The following DSP variants were observed in gnomAD, a reference collection of about 807,000 sequenced individuals.
DSP encodes 250/210 kDa paraneoplastic pemphigus antigen.
In DSP, 114 loss-of-function variants were observed where a neutral mutation model predicts 290.6. That is an observed-to-expected ratio of 0.39 (90% CI 0.34 to 0.46). DSP has a LOEUF of 0.46. Ranked by LOEUF, DSP falls within the 20% of genes least tolerant of loss-of-function variation. DSP has a pLI of 0.99. For synonymous variants in DSP, 1,311 were observed against 1,316.4 expected, an observed-to-expected ratio of 1.00 and a Z score of 0.09; for missense variants, 3,230 against 3,495.8, an observed-to-expected ratio of 0.92 and a Z score of 1.92.
intron 7 of DSP, 125 bp from the exon 8 acceptor site, chr6:7,566,252 G>A (rs1418129395): frequency 1.3e-5 from 10 of 786,056 alleles, no homozygotes; most frequent in Admixed American, 7.8e-5. Context: ...GGAAAACAGC[G>A]TGATTCTTTG....
intron 17 of DSP, 106 bp downstream of exon 17, chr6:7,574,901 G>T (rs1373471323): frequency 1.6e-5 from 23 of 1,481,698 alleles, no homozygotes; most frequent in Non-Finnish European, 2.0e-5. Flanking sequence ...GAGGATTATT[G>T]GGTTTCAGTG....
rs1014373689 is a variant in DSP, at chr6:7,571,908, C to T, written c.1970C>T (p.Thr657Ile). Reference protein sequence around the residue: ...QDVNHNKVIETNRENDKQETW... With the variant: ...QDVNHNKVIEINRENDKQETW... ...GTCAACCATAATAAAGTAATTGAAA[C>T]CAACAGAGAAAATGACAAGCAAGAA... Residue 657 changes from threonine (T) to isoleucine (I), a missense_variant, in exon 15 of 24, where the codon ACC (threonine) becomes ATC (isoleucine). Physicochemically the swap from Thr to Ile is moderately conservative, Grantham distance 89. This residue lies in a region of DSP where 1,714 missense variants were observed against 1,844.5 expected (regional missense o/e 0.93). Coordinates refer to ENST00000379802, the MANE Select transcript of DSP (RefSeq NM_004415.4). The T allele has an allele frequency of 4.3e-6, 7 of 1,614,044 alleles. No individual in the cohort carries two copies. In the Middle Eastern group the frequency reaches 9.9e-4, roughly 228 times the overall value.
chr6:7,573,396 G>A (rs536033732), intron 15 of DSP, among the ~76,000 whole-genome samples: 1 of 152,204 alleles, frequency 6.6e-6, no homozygotes, highest in African/African-American at 2.4e-5. Flanking sequence ...GACCAACATG[G>A]TGAAACCCCA....
At chr6:7,543,192 G>A (rs1337432609) in intron 1 of DSP, among the ~76,000 whole-genome samples, 4 of 152,022 alleles carry the variant, frequency 2.6e-5, no homozygotes, top group Admixed American at 6.6e-5. Flanking sequence ...TCCCACGTCG[G>A]GCTTTTGGGA....
Position 7,580,927 on chromosome 6 carries a change from G to A in DSP, c.4737G>A (p.Arg1579=). The A allele has an allele frequency of 6.2e-7, 1 of 1,614,154 alleles. No homozygotes were observed. Among genetic ancestry groups the A allele is most frequent in the Non-Finnish European group, 8.5e-7 (1 of 1,180,018 alleles). ...AGAAGGTGGAAGAGGAGCTGAATCG[G>A]CTGAAGAGGACCGCGTCAGAAGACT... ...QKQKVEEELN[R]LKRTASEDSC... The change falls in exon 23 of 24, where the codon CGG becomes CGA. Residue 1579 remains arginine (R), a synonymous_variant. Transcript: ENST00000379802. This position sits in a 1 kb window ranked among gnomAD's most constrained non-coding sequence, Gnocchi z 4.2.
chr6:7,576,027 AT>A (rs1351256660), intron 18 of DSP, among the ~76,000 whole-genome samples: 1 of 151,422 alleles, frequency 6.6e-6, no homozygotes, highest in African/African-American at 2.4e-5. Flanking sequence ...ATCATTTTCT[AT>A]TTTTTTCATG....
chr6:7,559,181 A>G (rs767716252), intron 3 of DSP, 45 bp from the exon 4 acceptor site: 3 of 1,611,620 alleles, frequency 1.9e-6, no homozygotes, highest in Non-Finnish European at 2.5e-6. Flanking sequence ...ACGGGTTTTC[A>G]TAGGCTGTTT....
At position 7,585,959 on chromosome 6, in the gene DSP, C is replaced by T. The variant is rs1199245165; in HGVS notation, c.*81C>T. On this transcript the variant is annotated 3_prime_UTR_variant, in exon 24 of 24. Transcript: ENST00000379802. The stretch of plus-strand genomic sequence containing the variant: ...TATTAAATAATAGAAAAGAAAATCC[C>T]GGTGCTTGCAGTAGAGTGATAGGAC... The T allele has an allele frequency of 1.5e-5, 21 of 1,419,034 alleles. No homozygotes were observed. The highest frequency in any genetic ancestry group is 2.0e-5 in the Non-Finnish European group (20 of 1,018,056). 87.9% of individuals were successfully genotyped at this position (1,419,034 alleles called of 1,614,324 possible).
intron 4 of DSP, 35 bp downstream of exon 4, chr6:7,559,435 G>A (rs775926016): frequency 1.2e-6 from 2 of 1,611,694 alleles, no homozygotes; most frequent in Non-Finnish European, 8.5e-7. Flanking sequence ...AACCTGTGCA[G>A]GCCAGACGTT....
At chr6:7,552,233 C>G (rs538133547) in intron 1 of DSP, among the ~76,000 whole-genome samples, 2 of 152,184 alleles carry the variant, frequency 1.3e-5, no homozygotes, top group South Asian at 4.1e-4. Context: ...AGATGCTGTG[C>G]AAAACATGTA....
chr6:7,584,485 C>T lies in DSP; in HGVS notation c.7223C>T (p.Pro2408Leu). 2 of 1,614,110 alleles carry T rather than the reference C, an allele frequency of 1.2e-6. No individual in the cohort carries two copies. Among genetic ancestry groups the T allele is most frequent in the Non-Finnish European group, 1.7e-6 (2 of 1,180,018 alleles). Reference protein sequence around the residue: ...NEELSEILSDPSDDTKGFFDP... With the variant: ...NEELSEILSDLSDDTKGFFDP... ...GAACTCAGTGAGATTCTCTCAGATC[C>T]AAGTGATGATACCAAAGGATTTTTT... The change falls in exon 24 of 24, where the codon CCA becomes CTA. Residue 2408 changes from proline to leucine, a missense_variant. Physicochemically the swap from Pro to Leu is moderately conservative, Grantham distance 98 (BLOSUM62 -3). This residue lies in a region of DSP where 207 missense variants were observed against 281.2 expected (regional missense o/e 0.74). Transcript: ENST00000379802. This position sits in a 1 kb window ranked among gnomAD's most constrained non-coding sequence, Gnocchi z 6.4.
rs1267018807 is a variant in DSP, at chr6:7,585,711, TACAACATG to T, written c.8450_8457del (p.Tyr2817PhefsTer32). 6.2e-7 allele frequency: 1 copy of T among 1,613,578 alleles called. No individual in the cohort carries two copies. Among genetic ancestry groups the T allele is most frequent in the East Asian group, 2.2e-5 (1 of 44,876 alleles). On this transcript the variant is annotated frameshift_variant, in exon 24 of 24. Transcript: ENST00000379802. LOFTEE classifies it high-confidence loss of function. ...GTCGTCCAAGGGCTTACCCAGCCCT[TACAACATG>T]TCTTCGGCTCCGGGGTCCCGCTCCG...
chr6:7,554,120 CACACA>C (rs1758427128), intron 1 of DSP, among the ~76,000 whole-genome samples: 3 of 151,496 alleles, frequency 2.0e-5, no homozygotes, highest in Non-Finnish European at 2.9e-5. Context: ...CACACACACA[CACACA>C]CCCAGTTGGT....
In DSP at chr6:7,541,976, G is replaced by A. The variant is rs747956457; in HGVS notation, c.61G>A (p.Glu21Lys). ...INTLGRMIRA[E>K]SGPDLRYEVT... Reference sequence around the variant, plus strand: ...CACTCTGGGCCGCATGATCCGCGCCGAGTCTGGCCCGGACCTGCGCTACGA... The same window carrying A: ...CACTCTGGGCCGCATGATCCGCGCCAAGTCTGGCCCGGACCTGCGCTACGA... The change falls in exon 1 of 24, where the codon GAG becomes AAG. Residue 21 changes from glutamate to lysine, a missense_variant. Coordinates refer to ENST00000379802, the MANE Select transcript of DSP (RefSeq NM_004415.4). 29 of 1,605,814 alleles carry A rather than the reference G, an allele frequency of 1.8e-5. No homozygotes were observed. Among genetic ancestry groups the A allele is most frequent in the Non-Finnish European group, 2.2e-5 (26 of 1,177,238 alleles).
Position 7,580,321 on chromosome 6 carries a change from CCACCAGCT to C in DSP, c.4137_4144del (p.Gln1379HisfsTer26). The stretch of plus-strand genomic sequence containing the variant: ...AGATCAACATCACCAAGACCACCAT[CCACCAGCT>C]CACCATGCAGAAGGAAGAGGATACC... On this transcript the variant is annotated frameshift_variant, in exon 23 of 24. Coordinates refer to ENST00000379802, the MANE Select transcript of DSP (RefSeq NM_004415.4). LOFTEE classifies it high-confidence loss of function. The surrounding 1 kb of genome is among the most constrained non-coding windows in gnomAD (Gnocchi z 4.2). 6.2e-7 allele frequency: 1 copy of C among 1,614,038 alleles called. No individual in the cohort carries two copies. Among genetic ancestry groups the C allele is most frequent in the Non-Finnish European group, 8.5e-7 (1 of 1,180,002 alleles).
chr6:7,568,610 A>G, intron 11 of DSP, 21 bp downstream of exon 11: 2 of 1,613,150 alleles, frequency 1.2e-6, no homozygotes, highest in South Asian at 2.2e-5. Context: ...ATTTAGAATG[A>G]TACAAAAGTT....
chr6:7,558,072 T>A (rs370517535), intron 2 of DSP, 44 bp from the exon 3 acceptor site: 1 of 1,613,326 alleles, frequency 6.2e-7, no homozygotes, highest in Non-Finnish European at 8.5e-7. Flanking sequence ...AAGGTTTTCT[T>A]CCTGGTAGTA....
At chr6:7,556,580 C>T (rs1004485573) in intron 2 of DSP, among the ~76,000 whole-genome samples, 1 of 152,220 alleles carries the variant, frequency 6.6e-6, no homozygotes, top group African/African-American at 2.4e-5. Context: ...TGGCATCTGC[C>T]TCTTCACAAA....
Position 7,577,012 on chromosome 6 carries a change from A to C in DSP, c.2847A>C (p.Lys949Asn). 1 of 1,612,874 alleles carries C rather than the reference A, an allele frequency of 6.2e-7. No homozygotes were observed. Among genetic ancestry groups the C allele is most frequent in the East Asian group, 2.2e-5 (1 of 44,830 alleles). Residue 949 changes from lysine (K) to asparagine (N), a missense_variant, in exon 20 of 24, where the codon AAA (lysine) becomes AAC (asparagine). Coordinates refer to ENST00000379802, the MANE Select transcript of DSP (RefSeq NM_004415.4). ...GAGACAAATCAGAGGAAGTACAAAA[A>C]ATTGCTGAACTTTGCGCCAATTCAA... The part of the protein sequence containing the change: ...GKRDKSEEVQ[K>N]IAELCANSIK...
Sources: gnomAD v4.1 joint callset for allele counts (sites outside exome capture counted in the v4.1 genomes callset) on GRCh38, gnomAD v4.1.1 for gene constraint, gnomAD v4.1.1 regional missense constraint, Gnocchi (gnomAD v3.1) non-coding constraint, MANE v1.5 for transcripts, NCBI Gene and HGNC (gene_info 2026-07-23, HGNC 2026-07-21) for gene names.